SSBP2: variants seen among roughly 807,000 people sequenced by gnomAD.
SSBP2 encodes the protein single stranded DNA binding protein 2, also known as single-stranded DNA-binding protein 2.
A neutral mutation model predicts 61.8 loss-of-function variants in SSBP2; 17 were observed. The ratio of observed to expected loss-of-function variants is 0.28; its 90% CI spans 0.19 to 0.41. The LOEUF is 0.41. Among genes scored for constraint, SSBP2 ranks in the 10% least tolerant of loss-of-function variants. The pLI, the probability that SSBP2 is intolerant of heterozygous loss-of-function variation, is 1.00. For synonymous variants in SSBP2, 139 were observed against 141.3 expected (o/e 0.98, Z 0.12); for missense variants, 310 against 458.7 (o/e 0.68, Z 2.96).
chr5:81,638,825 G>A (rs1478612438), intron 2 of SSBP2, among the ~76,000 whole-genome samples: 1 of 152,130 alleles, frequency 6.6e-6, no homozygotes, highest in Non-Finnish European at 1.5e-5. Context: ...TATGCTCCTA[G>A]CATAAATGGA....
chr5:81,559,458 G>A (rs1772871348), intron 4 of SSBP2, among the ~76,000 whole-genome samples: 1 of 151,746 alleles, frequency 6.6e-6, no homozygotes, highest in South Asian at 2.1e-4. Context: ...GGGAGGCTGA[G>A]GCAGGAGAAT....
intron 4 of SSBP2, among the ~76,000 whole-genome samples, chr5:81,548,992 C>T (rs1771968461): frequency 1.3e-5 from 2 of 152,062 alleles, no homozygotes; most frequent in South Asian, 2.1e-4. Flanking sequence ...ATTTAACTGA[C>T]ATTATATTTA....
rs567666223 is a variant in SSBP2 at position 81,414,404 on chromosome 5, C to G, written c.*6100G>C. On this transcript the variant is annotated 3_prime_UTR_variant, in exon 17 of 17. Coordinates refer to ENST00000320672, the MANE Select transcript of SSBP2 (RefSeq NM_012446.5). ...GGGAAAATTTAACAGAGGAAATTCT[C>G]CTTGGGACACTTATTGAACTGAGGA... The G allele has an allele frequency of 6.6e-6, 1 of 152,216 alleles. No individual in the cohort carries two copies. Among genetic ancestry groups the G allele is most frequent in the South Asian group, 2.1e-4 (1 of 4,824 alleles). The allele number at this position is 152,216 out of a possible 1,614,324, so 9.4% of individuals were successfully genotyped here. A position where few individuals can be genotyped will look rare whatever the true frequency, so the allele number is the denominator to read the frequency against.
At chr5:81,524,561 T>C (rs985171614) in intron 4 of SSBP2, among the ~76,000 whole-genome samples, 4 of 152,202 alleles carry the variant, frequency 2.6e-5, no homozygotes, top group Middle Eastern at 6.8e-3. Context: ...ATGAGGTATC[T>C]AGAAACTAGT....
intron 4 of SSBP2, among the ~76,000 whole-genome samples, chr5:81,536,422 TTAAGCCTAGTACCTC>T (rs1770810332): frequency 6.6e-6 from 1 of 152,078 alleles, no homozygotes; most frequent in Admixed American, 6.5e-5. Flanking sequence ...CACCCAGGTA[TTAAGCCTAGTACCTC>T]TTAGTTATTT....
intron 6 of SSBP2, among the ~76,000 whole-genome samples, chr5:81,477,578 C>A (rs1765675368): frequency 6.6e-6 from 1 of 152,092 alleles, no homozygotes; most frequent in South Asian, 2.1e-4. Flanking sequence ...CCACACTGGC[C>A]ACTTCATCTT....
intron 2 of SSBP2, among the ~76,000 whole-genome samples, chr5:81,639,652 T>C (rs1279383138): frequency 6.6e-6 from 1 of 151,952 alleles, no homozygotes; most frequent in Non-Finnish European, 1.5e-5. Flanking sequence ...TGCATAAGTA[T>C]ATGCCTTAGT....
chr5:81,510,521 GGGAGGC>G (rs1768514228), intron 5 of SSBP2, among the ~76,000 whole-genome samples: 1 of 152,096 alleles, frequency 6.6e-6, no homozygotes, highest in Non-Finnish European at 1.5e-5. Flanking sequence ...CCAGCACTTT[GGGAGGC>G]CAAGGCGGGC....
At chr5:81,694,187 G>C (rs1011038647) in intron 1 of SSBP2, among the ~76,000 whole-genome samples, 1 of 152,166 alleles carries the variant, frequency 6.6e-6, no homozygotes, top group Non-Finnish European at 1.5e-5. Flanking sequence ...AAAGGGTAGT[G>C]GGGCGAGGAA....
chr5:81,643,730 G>A (rs142041052), intron 2 of SSBP2, among the ~76,000 whole-genome samples: 7,600 of 149,906 alleles, frequency 0.051, 267 homozygotes, highest in South Asian at 0.11. Flanking sequence ...AGCCTCCCGA[G>A]TAGCTGGGAT....
chr5:81,685,630 ATTAAC>A (rs765807117), intron 1 of SSBP2, among the ~76,000 whole-genome samples: 136 of 152,306 alleles, frequency 8.9e-4, no homozygotes, highest in Non-Finnish European at 1.5e-3. Context: ...GATGGGCTAT[ATTAAC>A]TTCTTTTGTT....
intron 10 of SSBP2, among the ~76,000 whole-genome samples, chr5:81,460,293 C>A (rs1475890684): frequency 1.3e-5 from 2 of 152,132 alleles, no homozygotes; most frequent in African/African-American, 4.8e-5. Context: ...CTCTCTTGAC[C>A]CGGGAACCTT....
At chr5:81,546,351 T>C (rs917364807) in intron 4 of SSBP2, among the ~76,000 whole-genome samples, 1 of 152,316 alleles carries the variant, frequency 6.6e-6, no homozygotes, top group South Asian at 2.1e-4. Flanking sequence ...TCCTTTCAGA[T>C]TGATTATTCT....
intron 4 of SSBP2, among the ~76,000 whole-genome samples, chr5:81,537,802 T>C (rs1770927867): frequency 6.6e-6 from 1 of 152,154 alleles, no homozygotes; most frequent in Non-Finnish European, 1.5e-5. Flanking sequence ...TCCCCATCTC[T>C]GTCCCTCTCC....
At chr5:81,673,692 C>A (rs1436568414) in intron 1 of SSBP2, among the ~76,000 whole-genome samples, 2 of 152,076 alleles carry the variant, frequency 1.3e-5, no homozygotes, top group Non-Finnish European at 2.9e-5. Context: ...GCATAGCCTG[C>A]AAAAAGAAAA....
Position 81,639,739 on chromosome 5 carries a change from T to G in SSBP2, c.136-3121A>C, listed in dbSNP as rs181061613. ...TATGCCCAGAGGCCCTTAATACTAC[T>G]AAGAAGTGAACAACTGTAATTACAG... is the stretch of plus-strand genomic sequence containing the variant. On this transcript the variant is annotated intron_variant, in intron 2 of 16. Transcript: ENST00000320672. Among the ~76,000 whole-genome samples the G allele has an allele frequency of 1.7e-3, 253 of 152,182 alleles. 1 individual carries two copies. Among genetic ancestry groups the G allele is most frequent in the Non-Finnish European group, 2.9e-3 (197 of 68,000 alleles).
At position 81,512,014 on chromosome 5, in the gene SSBP2, T is replaced by C. The variant is rs1404941419; in HGVS notation, c.372+1614A>G. 3.3e-5 allele frequency among the ~76,000 whole-genome samples: 5 copies of C among 152,318 alleles called. No individual in the cohort carries two copies. In the South Asian group the frequency reaches 6.2e-4, roughly 19 times the overall value. ...TATACATCTTGGCTTAACCCTAGAA[T>C]GAAAGAATCTGGCTTCCTCCCCAAA... On this transcript the variant is annotated intron_variant, in intron 5 of 16. Transcript: ENST00000320672.
intron 1 of SSBP2, among the ~76,000 whole-genome samples, chr5:81,729,068 T>C (rs968126061): frequency 1.3e-5 from 2 of 152,142 alleles, no homozygotes; most frequent in East Asian, 1.9e-4. Flanking sequence ...CCACACTGCA[T>C]ACATATATCA....
rs753713182 is a variant in SSBP2 at position 81,517,302 on chromosome 5, C to A, written c.283-3585G>T. ...GATCAATTTGCATGCTTTTATCATG[C>A]ACTGCCAGATAATGTATTTTCTAAC... is the stretch of plus-strand genomic sequence containing the variant. On this transcript the variant is annotated intron_variant, in intron 4 of 16. Coordinates refer to ENST00000320672, the MANE Select transcript of SSBP2 (RefSeq NM_012446.5). 3.3e-5 allele frequency among the ~76,000 whole-genome samples: 5 copies of A among 151,162 alleles called. No individual in the cohort carries two copies. The East Asian group carries it at 9.7e-4, about 29-fold the overall frequency.
Sources: gnomAD v4.1 joint callset for allele counts (sites outside exome capture counted in the v4.1 genomes callset) on GRCh38, gnomAD v4.1.1 for gene constraint, MANE v1.5 for transcripts, NCBI Gene and HGNC (gene_info 2026-07-23, HGNC 2026-07-21) for gene names.